The following PDC variants were observed in gnomAD, a reference collection of about 807,000 sequenced individuals.
The protein encoded by PDC is 33 kDa phototransducing protein.
In PDC, 19 loss-of-function variants were observed where a neutral mutation model predicts 22.2. The observed-to-expected ratio is 0.86, with a 90% CI of 0.60 to 1.26. The LOEUF (loss-of-function observed/expected upper bound fraction) is 1.26. Ranked by LOEUF, PDC falls within the 50% of genes most tolerant of loss-of-function variation. The pLI is 0.00. For synonymous variants in PDC, 97 were observed against 96.2 expected, an observed-to-expected ratio of 1.01 and a Z score of -0.05; for missense variants, 274 against 286.8, an observed-to-expected ratio of 0.96 and a Z score of 0.32.
chr1:186,446,082 TG>T (rs1662221872), intron 3 of PDC, among the ~76,000 whole-genome samples: 2 of 152,226 alleles, frequency 1.3e-5, no homozygotes, highest in South Asian at 4.1e-4. Context: ...GTATTTTACA[TG>T]TTTCAAAATA....
chr1:186,443,725 T>G lies in PDC; in HGVS notation c.*254A>C. On this transcript the variant is annotated 3_prime_UTR_variant, in exon 4 of 4. Coordinates refer to ENST00000391997, the MANE Select transcript of PDC (RefSeq NM_002597.5). ...TAACTTGAAAGGGATTTTTGAAAAA[T>G]GTCATAATATTATCCACATCCTCTT... 1 of 344,822 alleles carries G rather than the reference T, an allele frequency of 2.9e-6. No homozygotes were observed. The highest frequency in any genetic ancestry group is 5.2e-6 in the Non-Finnish European group (1 of 190,626). The allele number at this position is 344,822 out of a possible 1,614,324, so 21.4% of individuals were successfully genotyped here.
intron 3 of PDC, 96 bp downstream of exon 3, chr1:186,446,330 A>T: frequency 1.1e-6 from 1 of 932,160 alleles, no homozygotes; most frequent in Non-Finnish European, 1.5e-6. Flanking sequence ...TATTGTAATG[A>T]ATATATTTTG....
chr1:186,458,907 A>G (rs1404438001), intron 1 of PDC, among the ~76,000 whole-genome samples: 1 of 152,150 alleles, frequency 6.6e-6, no homozygotes, highest in Non-Finnish European at 1.5e-5. Context: ...CACGCCTGTA[A>G]TCCCAACGCT....
intron 1 of PDC, among the ~76,000 whole-genome samples, chr1:186,459,035 G>A (rs1454847449): frequency 6.6e-6 from 1 of 152,188 alleles, no homozygotes; most frequent in Non-Finnish European, 1.5e-5. Flanking sequence ...GGTGGTGGGT[G>A]CCTGTAGTCC....
At chr1:186,454,530 G>C (rs567331328) in intron 1 of PDC, among the ~76,000 whole-genome samples, 1 of 152,176 alleles carries the variant, frequency 6.6e-6, no homozygotes, top group South Asian at 2.1e-4. Flanking sequence ...TGGAAGGTCA[G>C]TATAAAAGAC....
chr1:186,449,264 T>C (rs1662298285), intron 2 of PDC, 135 bp downstream of exon 2: 1 of 445,886 alleles, frequency 2.2e-6, no homozygotes, highest in Non-Finnish European at 3.9e-6. Context: ...CCCGCTCAAA[T>C]ATTTTTTAGA....
intron 1 of PDC, among the ~76,000 whole-genome samples, chr1:186,457,886 G>T (rs1381302084): frequency 6.6e-6 from 1 of 152,014 alleles, no homozygotes; most frequent in Non-Finnish European, 1.5e-5. Context: ...CCCACTCCCA[G>T]TATCTAGATA....
intron 1 of PDC, among the ~76,000 whole-genome samples, chr1:186,456,880 C>G (rs1306023532): frequency 6.6e-6 from 1 of 152,176 alleles, no homozygotes; most frequent in Non-Finnish European, 1.5e-5. Context: ...AAGGCACTAC[C>G]TGGCACATAC....
intron 1 of PDC, among the ~76,000 whole-genome samples, chr1:186,459,752 G>GTATATATATATATATA (rs56927589): frequency 0.041 from 4,516 of 110,912 alleles, 191 homozygotes; most frequent in East Asian, 0.065. Context: ...GTGTGTGTGT[G>GTATATATATATATATA]TATATATATA....
In PDC at chr1:186,444,351, G is replaced by A. The variant is rs1332263298; in HGVS notation, c.369C>T (p.Phe123=). 1.2e-6 allele frequency: 2 copies of A among 1,613,972 alleles called. No individual in the cohort carries two copies. Among genetic ancestry groups the A allele is most frequent in the East Asian group, 2.2e-5 (1 of 44,868 alleles). The change falls in exon 4 of 4, where the codon TTC becomes TTT. Residue 123 remains phenylalanine, a synonymous_variant. Transcript: ENST00000391997. ...TCAGTTCCTTTTCAATTGTTTCTAG[G>A]AATTGCTTTCCAGTTTCCAGCTCAT... ...FVYELETGKQ[F]LETIEKELKI...
At chr1:186,459,750 G>GTATATATATATA (rs1558134643) in intron 1 of PDC, among the ~76,000 whole-genome samples, 1 of 68,558 alleles carries the variant, frequency 1.5e-5, no homozygotes, top group Non-Finnish European at 3.1e-5. Context: ...ATGTGTGTGT[G>GTATATATATATA]TGTATATATA....
At chr1:186,446,312 G>T in intron 3 of PDC, 114 bp downstream of exon 3, 2 of 735,278 alleles carry the variant, frequency 2.7e-6, no homozygotes, top group Non-Finnish European at 4.0e-6. Context: ...TTTTGCCAGC[G>T]TAAGCAATAT....
At chr1:186,449,880 A>C (rs1257345281) in intron 1 of PDC, among the ~76,000 whole-genome samples, 1 of 152,124 alleles carries the variant, frequency 6.6e-6, no homozygotes, top group African/African-American at 2.4e-5. Flanking sequence ...CATATAATAA[A>C]AATTAAATTA....
At chr1:186,449,545 TAGAGA>T in intron 1 of PDC, 62 bp from the exon 2 acceptor site, 1 of 800,152 alleles carries the variant, frequency 1.2e-6, no homozygotes, top group Non-Finnish European at 2.1e-6. Context: ...TACATATATA[TAGAGA>T]TAAATATATA....
chr1:186,446,416 A>T lies in PDC; in HGVS notation c.213+10T>A. On this transcript the variant is annotated intron_variant, in intron 3 of 3. Transcript: ENST00000391997. Reference sequence around the variant, plus strand: ...TAAATTATTTATTACTGCTTTTTGTATTATCTTACCTTTCTGCTGACTCGT... The same window carrying T: ...TAAATTATTTATTACTGCTTTTTGTTTTATCTTACCTTTCTGCTGACTCGT... 3 of 1,560,574 alleles carry T rather than the reference A, an allele frequency of 1.9e-6. No homozygotes were observed. Among genetic ancestry groups the T allele is most frequent in the Admixed American group, 1.8e-5 (1 of 54,924 alleles).
At chr1:186,445,747 T>C (rs1297815119) in intron 3 of PDC, among the ~76,000 whole-genome samples, 3 of 152,090 alleles carry the variant, frequency 2.0e-5, no homozygotes, top group East Asian at 1.9e-4. Context: ...TGAGCCAAGA[T>C]TGCGCCACTG....
chr1:186,459,357 G>A (rs989852246), intron 1 of PDC, among the ~76,000 whole-genome samples: 5 of 152,150 alleles, frequency 3.3e-5, no homozygotes, highest in Admixed American at 6.5e-5. Flanking sequence ...TGGAGACGGG[G>A]TTTCGCTGTG....
At chr1:186,447,862 G>T (rs1466906209) in intron 2 of PDC, among the ~76,000 whole-genome samples, 1 of 151,312 alleles carries the variant, frequency 6.6e-6, no homozygotes, top group African/African-American at 2.4e-5. Flanking sequence ...GTTTAAAAAA[G>T]AGAATCCATT....
In PDC at chr1:186,444,513, A is replaced by G. The variant is rs1174706468; in HGVS notation, c.214-7T>C. 6 of 1,542,158 alleles carry G rather than the reference A, an allele frequency of 3.9e-6. No individual in the cohort carries two copies. The highest frequency in any genetic ancestry group is 5.3e-6 in the Non-Finnish European group (6 of 1,123,336). The stretch of plus-strand genomic sequence containing the variant: ...CATATTCTTGAATGCTCATCTGAGA[A>G]TAAAGAAATGATAGAAATTATTAAG... On this transcript the variant is annotated splice_polypyrimidine_tract_variant and splice_region_variant and intron_variant, in intron 3 of 3. Transcript: ENST00000391997.
Sources: allele counts gnomAD v4.1 joint callset (sites outside exome capture counted in the v4.1 genomes callset), GRCh38; gene constraint gnomAD v4.1.1; transcripts MANE v1.5; gene names NCBI Gene and HGNC (gene_info 2026-07-23, HGNC 2026-07-21).